The following CNTNAP5 variants were observed in gnomAD, a reference collection of about 807,000 sequenced individuals.
CNTNAP5 encodes contactin-associated protein-like 5.
A neutral mutation model predicts 150.2 loss-of-function variants in CNTNAP5; 72 were observed. That is an observed-to-expected ratio of 0.48 (90% confidence interval 0.40 to 0.58). The LOEUF (loss-of-function observed/expected upper bound fraction) is 0.58. CNTNAP5 is among the 20% of genes least tolerant of loss of function. The pLI, the probability that CNTNAP5 is intolerant of heterozygous loss-of-function variation, is 0.00. For missense variants in CNTNAP5, 1,636 were observed against 1,626.2 expected (o/e 1.01, Z -0.10); for synonymous variants, 672 against 619.8 (o/e 1.08, Z -1.25).
chr2:124,329,559 G>A (rs547053313), intron 3 of CNTNAP5, among the ~76,000 whole-genome samples: 1 of 152,146 alleles, frequency 6.6e-6, no homozygotes, highest in African/African-American at 2.4e-5. Context: ...ATTGTGCTCT[G>A]AGCCCTAACA....
At chr2:124,485,928 C>T (rs906519615) in intron 7 of CNTNAP5, among the ~76,000 whole-genome samples, 6 of 152,122 alleles carry the variant, frequency 3.9e-5, no homozygotes, top group Admixed American at 1.3e-4. Flanking sequence ...ACTCCGCTAC[C>T]GTTTGATTGA....
chr2:124,616,891 T>C (rs528556763), intron 12 of CNTNAP5, among the ~76,000 whole-genome samples: 14 of 152,222 alleles, frequency 9.2e-5, no homozygotes, highest in South Asian at 4.1e-4. Flanking sequence ...TCAATTAAGT[T>C]CATTGCCTTA....
At chr2:124,527,152 T>G in intron 9 of CNTNAP5, 133 bp from the exon 10 acceptor site, 1 of 657,204 alleles carries the variant, frequency 1.5e-6, no homozygotes, top group East Asian at 2.8e-5. Flanking sequence ...GGATTTATAA[T>G]GAAAAGGGTG....
chr2:124,026,252 G>A (rs1259594410), intron 1 of CNTNAP5, among the ~76,000 whole-genome samples: 3 of 152,160 alleles, frequency 2.0e-5, no homozygotes, highest in South Asian at 2.1e-4. Flanking sequence ...AATGGGCACC[G>A]GTTTAACAGG....
At chr2:124,882,042 C>T (rs1431845833) in intron 21 of CNTNAP5, among the ~76,000 whole-genome samples, 1 of 151,920 alleles carries the variant, frequency 6.6e-6, no homozygotes, top group Non-Finnish European at 1.5e-5. Flanking sequence ...GATTATAGGT[C>T]CTAAAACTGA....
At chr2:124,715,185 C>G (rs1383737872) in intron 13 of CNTNAP5, among the ~76,000 whole-genome samples, 1 of 152,172 alleles carries the variant, frequency 6.6e-6, no homozygotes, top group African/African-American at 2.4e-5. Flanking sequence ...ACCAAGCCTT[C>G]TGCTTCAACT....
At chr2:124,137,978 G>A (rs762354108) in intron 1 of CNTNAP5, among the ~76,000 whole-genome samples, 4 of 152,088 alleles carry the variant, frequency 2.6e-5, no homozygotes, top group Non-Finnish European at 4.4e-5. Flanking sequence ...AATTTTGTGG[G>A]ATTTCGTAGA....
intron 21 of CNTNAP5, among the ~76,000 whole-genome samples, chr2:124,890,638 T>C (rs1678174787): frequency 6.6e-6 from 1 of 152,134 alleles, no homozygotes; most frequent in African/African-American, 2.4e-5. Context: ...CCAGATTTGC[T>C]TGATGCCAAC....
At chr2:124,131,671 T>A (rs1029603131) in intron 1 of CNTNAP5, among the ~76,000 whole-genome samples, 1 of 152,164 alleles carries the variant, frequency 6.6e-6, no homozygotes, top group East Asian at 1.9e-4. Context: ...CTGCAAGACA[T>A]TGATAGTATT....
At chr2:124,215,408 G>A (rs1281405059) in intron 1 of CNTNAP5, among the ~76,000 whole-genome samples, 1 of 152,112 alleles carries the variant, frequency 6.6e-6, no homozygotes, top group East Asian at 1.9e-4. Flanking sequence ...TTTCTCAATA[G>A]CTGTGTAGAT....
intron 11 of CNTNAP5, among the ~76,000 whole-genome samples, chr2:124,591,841 G>A (rs1042521095): frequency 2.0e-5 from 3 of 152,080 alleles, no homozygotes; most frequent in Admixed American, 6.5e-5. Flanking sequence ...AACAAGTCTT[G>A]CTTTTATTCT....
At chr2:124,306,809 C>A (rs1688704570) in intron 3 of CNTNAP5, among the ~76,000 whole-genome samples, 1 of 146,942 alleles carries the variant, frequency 6.8e-6, no homozygotes, top group African/African-American at 2.6e-5. Context: ...CTCACTGCAA[C>A]CTCCGCCTCC....
At chr2:124,496,988 C>T (rs952537824) in intron 7 of CNTNAP5, among the ~76,000 whole-genome samples, 1 of 152,156 alleles carries the variant, frequency 6.6e-6, no homozygotes. Context: ...TTTTATTCTT[C>T]CCAGGTGACT....
chr2:124,342,752 A>G (rs1412366726), intron 3 of CNTNAP5, among the ~76,000 whole-genome samples: 1 of 152,190 alleles, frequency 6.6e-6, no homozygotes, highest in Non-Finnish European at 1.5e-5. Flanking sequence ...GAAGCAAGCT[A>G]TAGAAAGTTT....
At chr2:124,589,971 G>A (rs1180737259) in intron 11 of CNTNAP5, among the ~76,000 whole-genome samples, 1 of 152,132 alleles carries the variant, frequency 6.6e-6, no homozygotes, top group Non-Finnish European at 1.5e-5. Flanking sequence ...ATTAGGCCAT[G>A]AGTGCTCTGA....
At chr2:124,396,938 C>T (rs1337412550) in intron 3 of CNTNAP5, among the ~76,000 whole-genome samples, 1 of 152,148 alleles carries the variant, frequency 6.6e-6, no homozygotes, top group African/African-American at 2.4e-5. Context: ...CAGAAAAAGG[C>T]CAGTCTTAGA....
intron 8 of CNTNAP5, among the ~76,000 whole-genome samples, chr2:124,506,382 A>T (rs888979756): frequency 1.3e-5 from 2 of 152,144 alleles, no homozygotes; most frequent in Non-Finnish European, 2.9e-5. Context: ...GGGTGCCTTG[A>T]GCTCAGGGGA....
At chr2:124,469,060 C>T (rs1693445247) in intron 6 of CNTNAP5, among the ~76,000 whole-genome samples, 1 of 152,202 alleles carries the variant, frequency 6.6e-6, no homozygotes, top group Non-Finnish European at 1.5e-5. Context: ...CATATCCACC[C>T]AACTCACATC....
intron 8 of CNTNAP5, among the ~76,000 whole-genome samples, chr2:124,523,817 A>T (rs780834074): frequency 2.0e-5 from 3 of 152,214 alleles, no homozygotes; most frequent in Non-Finnish European, 2.9e-5. Flanking sequence ...TGCCTGGCAC[A>T]TCATTGGAAT....
Sources: gnomAD v4.1 joint callset for allele counts (sites outside exome capture counted in the v4.1 genomes callset) on GRCh38, gnomAD v4.1.1 for gene constraint, MANE v1.5 for transcripts, NCBI Gene and HGNC (gene_info 2026-07-23, HGNC 2026-07-21) for gene names.